The following GOSR2 variants were observed in gnomAD, a reference collection of about 807,000 sequenced individuals.
The protein encoded by GOSR2 is 27 kDa Golgi SNARE protein.
A neutral mutation model predicts 27.9 loss-of-function variants in GOSR2; 20 were observed. The observed-to-expected ratio is 0.72, with a 90% CI of 0.50 to 1.04. The LOEUF (loss-of-function observed/expected upper bound fraction) is 1.04. Ranked by LOEUF, GOSR2 falls within the 50% of genes least tolerant of loss-of-function variation. The pLI is 0.00. For synonymous variants in GOSR2, 91 were observed against 98.8 expected (o/e 0.92, Z 0.47); for missense variants, 261 against 270.5 (o/e 0.97, Z 0.25).
rs765576738 is a variant in GOSR2 at position 46,939,214 on chromosome 17, T to C, written c.*454T>C. ...GGAAAGAGGCCTTTTCTCACAGCCA[T>C]TATATTAAATAGTAGGTCGATTCAC... On this transcript the variant is annotated 3_prime_UTR_variant, in exon 6 of 6. Transcript: ENST00000640051. 9.3e-7 allele frequency: 1 copy of C among 1,073,326 alleles called. No individual in the cohort carries two copies. The highest frequency in any genetic ancestry group is 1.1e-6 in the Non-Finnish European group (1 of 880,100). The allele number at this position is 1,073,326 out of a possible 1,614,324, so 66.5% of individuals were successfully genotyped here.
chr17:46,935,218 A>G, intron 5 of GOSR2, 49 bp downstream of exon 5: 1 of 1,611,916 alleles, frequency 6.2e-7, no homozygotes, highest in Non-Finnish European at 8.5e-7. Flanking sequence ...TTTTAGCCTC[A>G]TCCAACAGTT....
chr17:46,973,486 T>A (rs2091413867), intron 6 of GOSR2, among the ~76,000 whole-genome samples: 1 of 152,016 alleles, frequency 6.6e-6, no homozygotes, highest in Non-Finnish European at 1.5e-5. Flanking sequence ...TGTTGAAAAT[T>A]GTTGAGATCT....
At chr17:46,951,419 C>T (rs528870139) in intron 6 of GOSR2, among the ~76,000 whole-genome samples, 1 of 152,328 alleles carries the variant, frequency 6.6e-6, no homozygotes, top group Non-Finnish European at 1.5e-5. Context: ...AGCCTGGGCT[C>T]CTCGCCCAGC....
chr17:46,941,392 C>T lies in GOSR2; in HGVS notation c.*2632C>T. ...ACATTTTGTAAAAGAATTCGATATT[C>T]ATTTTTATAACTAATGGCCCCCTTT... On this transcript the variant is annotated 3_prime_UTR_variant, in exon 6 of 6. Transcript: ENST00000640051. 3.1e-6 allele frequency: 3 copies of T among 982,112 alleles called. No individual in the cohort carries two copies. Among genetic ancestry groups the T allele is most frequent in the Non-Finnish European group, 3.6e-6 (3 of 826,968 alleles). 60.8% of individuals were successfully genotyped at this position (982,112 alleles called of 1,614,324 possible).
chr17:46,960,883 G>T (rs2091008940), intron 6 of GOSR2, among the ~76,000 whole-genome samples: 1 of 152,190 alleles, frequency 6.6e-6, no homozygotes, highest in Non-Finnish European at 1.5e-5. Flanking sequence ...CAAAGTGGCA[G>T]CATGAAGGAG....
chr17:46,956,206 T>TA (rs988127844), intron 6 of GOSR2, among the ~76,000 whole-genome samples: 14 of 151,628 alleles, frequency 9.2e-5, no homozygotes, highest in Middle Eastern at 3.4e-3. Context: ...TGCAAGGGTT[T>TA]AACTCAGATC....
downstream of GOSR2, among the ~76,000 whole-genome samples, chr17:46,945,376 T>C (rs2089758201): frequency 6.6e-6 from 1 of 152,122 alleles, no homozygotes; most frequent in African/African-American, 2.4e-5. Context: ...CCTACTGTCC[T>C]AGGAAGACCT....
intron 6 of GOSR2, among the ~76,000 whole-genome samples, chr17:46,958,490 G>C (rs528935050): frequency 5.3e-5 from 8 of 152,346 alleles, no homozygotes; most frequent in African/African-American, 1.7e-4. Flanking sequence ...GTGTCTCACA[G>C]CCTGACTAAG....
chr17:46,952,242 G>A (rs934130013), intron 6 of GOSR2, among the ~76,000 whole-genome samples: 2 of 152,150 alleles, frequency 1.3e-5, no homozygotes, highest in Non-Finnish European at 2.9e-5. Flanking sequence ...GGGACTCAGC[G>A]AGGGCTGCCT....
chr17:46,951,094 C>G (rs2090308359), intron 6 of GOSR2, among the ~76,000 whole-genome samples: 1 of 152,190 alleles, frequency 6.6e-6, no homozygotes, highest in African/African-American at 2.4e-5. Flanking sequence ...AGGAGCCACG[C>G]CAAAGGCTTC....
At chr17:46,925,199 G>A (rs2086306613) in intron 1 of GOSR2, among the ~76,000 whole-genome samples, 1 of 152,286 alleles carries the variant, frequency 6.6e-6, no homozygotes, top group African/African-American at 2.4e-5. Flanking sequence ...TTACTACTCT[G>A]CTGTTATATT....
rs540732236 is a variant in GOSR2 at position 46,937,660 on chromosome 17, G to A, written c.478-939G>A. 2.6e-5 allele frequency: 4 copies of A among 152,184 alleles called. No homozygotes were observed. The East Asian group carries it at 7.7e-4, about 29-fold the overall frequency. 9.4% of individuals were successfully genotyped at this position (152,184 alleles called of 1,614,324 possible). On this transcript the variant is annotated intron_variant, in intron 5 of 5. Coordinates refer to ENST00000640051, the MANE Select transcript of GOSR2 (RefSeq NM_004287.5). ...CCATAGATGAGGTTTTCTTGTTATT[G>A]AACTTCATATAAAGGTATTCATGCT... is the stretch of plus-strand genomic sequence containing the variant.
intron 1 of GOSR2, among the ~76,000 whole-genome samples, chr17:46,926,382 G>A (rs925441234): frequency 2.6e-5 from 4 of 151,990 alleles, no homozygotes; most frequent in East Asian, 3.9e-4. Flanking sequence ...GGTGGGGGGC[G>A]GTGAGTAGTT....
At chr17:46,969,392 AAGG>A (rs2091368368), downstream of GOSR2, among the ~76,000 whole-genome samples, 1 of 152,188 alleles carries the variant, frequency 6.6e-6, no homozygotes, top group South Asian at 2.1e-4. Flanking sequence ...AGTGGCCAGA[AAGG>A]AGGCAGCCTT....
chr17:46,929,811 A>C, intron 2 of GOSR2: 1 of 523,984 alleles, frequency 1.9e-6, no homozygotes, highest in Non-Finnish European at 3.5e-6. Context: ...TCAACCTGAC[A>C]TGGCCCTATG....
chr17:46,966,821 AT>A (rs1425297601), exon 7 of GOSR2: 21 of 429,640 alleles, frequency 4.9e-5, no homozygotes, highest in Non-Finnish European at 8.2e-6. Context: ...AATCAGAATT[AT>A]GAAAAGTGCT....
At chr17:46,934,219 A>G (rs75098437) in intron 4 of GOSR2, among the ~76,000 whole-genome samples, 6,707 of 138,834 alleles carry the variant, frequency 0.048, 206 homozygotes, top group Admixed American at 0.11. Flanking sequence ...GTGATCTTGG[A>G]CAAGTTATTC....
At chr17:46,949,243 C>G (rs1377273943) in intron 6 of GOSR2, 1 of 152,240 alleles carries the variant, frequency 6.6e-6, no homozygotes, top group Non-Finnish European at 1.5e-5. Flanking sequence ...TCGCTGGGCA[C>G]ACAATGTCGC....
chr17:46,970,547 A>C (rs1275685942), downstream of GOSR2, among the ~76,000 whole-genome samples: 2 of 151,394 alleles, frequency 1.3e-5, no homozygotes, highest in Non-Finnish European at 3.0e-5. Flanking sequence ...AAAAAAAAAA[A>C]AAAAAAAAAA....
Sources: gnomAD v4.1 joint callset for allele counts (sites outside exome capture counted in the v4.1 genomes callset) on GRCh38, gnomAD v4.1.1 for gene constraint, MANE v1.5 for transcripts, NCBI Gene and HGNC (gene_info 2026-07-23, HGNC 2026-07-21) for gene names.